Variants in ASIC2 observed in about 807,000 individuals in gnomAD.
The protein encoded by ASIC2 is acid-sensing ion channel 2.
In ASIC2, 25 loss-of-function variants were observed where a neutral mutation model predicts 57.3. The observed-to-expected ratio is 0.44, with a 90% CI of 0.32 to 0.61. ASIC2 has a LOEUF of 0.61. Among genes scored for constraint, ASIC2 ranks in the 20% least tolerant of loss-of-function variants. The pLI is 0.06. For synonymous variants in ASIC2, 319 were observed against 307.5 expected (o/e 1.04, Z -0.39); for missense variants, 641 against 738.1 (o/e 0.87, Z 1.52).
intron 1 of ASIC2, among the ~76,000 whole-genome samples, chr17:33,249,513 G>C (rs889271078): frequency 3.3e-5 from 5 of 152,172 alleles, no homozygotes; most frequent in Non-Finnish European, 7.4e-5. Context: ...GGGGAGAAGA[G>C]GAGTCTCCGC....
At chr17:33,321,467 A>G (rs1229638992) in intron 1 of ASIC2, among the ~76,000 whole-genome samples, 1 of 152,222 alleles carries the variant, frequency 6.6e-6, no homozygotes, top group Non-Finnish European at 1.5e-5. Context: ...CTCTGTAAAA[A>G]TATAAAGGCC....
At chr17:33,884,263 T>C (rs552475933) in intron 1 of ASIC2, among the ~76,000 whole-genome samples, 1 of 152,296 alleles carries the variant, frequency 6.6e-6, no homozygotes, top group South Asian at 2.1e-4. Flanking sequence ...GCTCCCTCTC[T>C]GCCTCACTCT....
rs60163207 is a variant in ASIC2, at chr17:33,654,308, A to C, written c.555+501670T>G. On this transcript the variant is annotated intron_variant, in intron 1 of 9. Transcript: ENST00000359872. ...GAGACCAATAATTTGCAGAAGCAGA[A>C]GTGAAGATCAACATTTTTCCTCTTT... 2.5e-3 allele frequency among the ~76,000 whole-genome samples: 381 copies of C among 152,364 alleles called. 2 individuals carry two copies. The highest frequency in any genetic ancestry group is 8.7e-3 in the African/African-American group (362 of 41,580).
chr17:34,153,680 C>T (rs1466672865), intron 1 of ASIC2, among the ~76,000 whole-genome samples: 1 of 152,204 alleles, frequency 6.6e-6, no homozygotes, highest in Non-Finnish European at 1.5e-5. Context: ...TTTTCTGATA[C>T]TCCCTGAACA....
intron 1 of ASIC2, among the ~76,000 whole-genome samples, chr17:33,705,326 G>A (rs1908831727): frequency 1.3e-5 from 2 of 152,086 alleles, no homozygotes; most frequent in Non-Finnish European, 2.9e-5. Flanking sequence ...GTATGTAAAT[G>A]TACTAAACAT....
chr17:33,622,992 A>G (rs1423439086), intron 1 of ASIC2, among the ~76,000 whole-genome samples: 1 of 152,102 alleles, frequency 6.6e-6, no homozygotes, highest in African/African-American at 2.4e-5. Flanking sequence ...TTTTATTTGG[A>G]CATTTATTTA....
intron 1 of ASIC2, among the ~76,000 whole-genome samples, chr17:33,897,035 GT>G (rs1269856693): frequency 4.6e-5 from 7 of 152,134 alleles, no homozygotes; most frequent in Non-Finnish European, 1.0e-4. Context: ...AGATTATAAA[GT>G]TTTACTAAAG....
intron 1 of ASIC2, 124 bp downstream of exon 1, chr17:33,291,284 G>A: frequency 1.4e-6 from 2 of 1,431,140 alleles, no homozygotes; most frequent in Non-Finnish European, 1.8e-6. Flanking sequence ...GTTCTGCCTT[G>A]GCATCGTGGA....
At chr17:33,813,765 C>T (rs987814064) in intron 1 of ASIC2, among the ~76,000 whole-genome samples, 1 of 152,224 alleles carries the variant, frequency 6.6e-6, no homozygotes, top group Non-Finnish European at 1.5e-5. Context: ...ATGAGGGTAT[C>T]CTCCTTGCTG....
chr17:33,104,099 C>T (rs943092090), intron 2 of ASIC2, among the ~76,000 whole-genome samples: 4 of 152,162 alleles, frequency 2.6e-5, no homozygotes, highest in Non-Finnish European at 5.9e-5. Context: ...AAGTCGATTG[C>T]CACTCGTCCA....
At chr17:34,134,181 C>G (rs1014187896) in intron 1 of ASIC2, among the ~76,000 whole-genome samples, 7 of 152,128 alleles carry the variant, frequency 4.6e-5, no homozygotes, top group African/African-American at 9.7e-5. Context: ...TGCTGTGAAG[C>G]CTTCTAGAGT....
At chr17:33,475,094 GCTAT>G (rs2141922337) in intron 1 of ASIC2, among the ~76,000 whole-genome samples, 2 of 151,724 alleles carry the variant, frequency 1.3e-5, no homozygotes, top group Admixed American at 1.3e-4. Context: ...CCTTTGAACT[GCTAT>G]CTTTCATCTC....
chr17:33,237,641 G>A (rs1908347074), intron 1 of ASIC2, among the ~76,000 whole-genome samples: 1 of 152,146 alleles, frequency 6.6e-6, no homozygotes, highest in African/African-American at 2.4e-5. Flanking sequence ...CTTAGTAGAT[G>A]TTTGACTCTG....
chr17:34,012,740 G>A (rs560922966), intron 1 of ASIC2, among the ~76,000 whole-genome samples: 33 of 150,188 alleles, frequency 2.2e-4, no homozygotes, highest in Admixed American at 6.0e-4. Context: ...CTAAATTCCC[G>A]GAGACTACCA....
rs185200586 is a variant in ASIC2 at position 34,067,282 on chromosome 17, T to C, written c.555+88696A>G. ...ACAGAGGCCTGGGCATGTACAAGTA[T>C]GGACTTCAGATGAAAGAAATTGAAA... On this transcript the variant is annotated intron_variant, in intron 1 of 9. Coordinates refer to the ASIC2 transcript ENST00000359872. 1.1e-3 allele frequency among the ~76,000 whole-genome samples: 174 copies of C among 152,336 alleles called. 1 individual carries two copies. Among genetic ancestry groups the C allele is most frequent in the Non-Finnish European group, 2.1e-4 (14 of 68,038 alleles).
chr17:33,208,356 C>G (rs1597630296), intron 1 of ASIC2, among the ~76,000 whole-genome samples: 1 of 152,250 alleles, frequency 6.6e-6, no homozygotes, highest in East Asian at 1.9e-4. Context: ...GAACAGAATG[C>G]AAGCTCCTTA....
At chr17:33,301,009 CATTTATTTATTTATTT>C (rs71144872) in intron 1 of ASIC2, among the ~76,000 whole-genome samples, 1 of 149,432 alleles carries the variant, frequency 6.7e-6, no homozygotes, top group African/African-American at 2.5e-5. Flanking sequence ...TCTTTTTATT[CATTTATTTATTTATTT>C]ATTTATTTAT....
intron 1 of ASIC2, among the ~76,000 whole-genome samples, chr17:33,588,050 C>T (rs1386770415): frequency 6.6e-6 from 1 of 152,144 alleles, no homozygotes; most frequent in Non-Finnish European, 1.5e-5. Flanking sequence ...AATTCTATTC[C>T]CCACCAGCCA....
chr17:33,202,162 C>T (rs1001563408), intron 1 of ASIC2, among the ~76,000 whole-genome samples: 13 of 152,174 alleles, frequency 8.5e-5, no homozygotes, highest in African/African-American at 3.1e-4. Flanking sequence ...TTTTGAGGCT[C>T]ACCTGGCCTG....
Sources: allele counts gnomAD v4.1 joint callset (sites outside exome capture counted in the v4.1 genomes callset), GRCh38; gene constraint gnomAD v4.1.1; transcripts MANE v1.5; gene names NCBI Gene and HGNC (gene_info 2026-07-23, HGNC 2026-07-21).